Variants in ITGB8 observed in about 807,000 individuals in gnomAD.
The protein encoded by ITGB8 is integrin beta-8.
ITGB8 carries 30 observed loss-of-function variants against 89.5 expected under a neutral mutation model. The observed-to-expected ratio is 0.34, with a 90% CI of 0.25 to 0.45. The LOEUF is 0.45. Among genes scored for constraint, ITGB8 ranks in the 20% least tolerant of loss-of-function variants. The pLI is 1.00. For missense variants in ITGB8, 836 were observed against 933.3 expected (o/e 0.90, Z 1.36); for synonymous variants, 335 against 320.4 (o/e 1.05, Z -0.49).
intron 1 of ITGB8, among the ~76,000 whole-genome samples, chr7:20,338,813 ACT>A (rs1784658425): frequency 6.6e-6 from 1 of 152,056 alleles, no homozygotes; most frequent in Admixed American, 6.6e-5. Context: ...ACAAAATTTT[ACT>A]CTCTTGCAAA....
At chr7:20,339,125 G>A (rs1456573694) in intron 1 of ITGB8, among the ~76,000 whole-genome samples, 3 of 151,662 alleles carry the variant, frequency 2.0e-5, no homozygotes, top group Non-Finnish European at 4.4e-5. Flanking sequence ...CCATGAGATG[G>A]AGGTTGCAGT....
rs1400400905 is a variant in ITGB8, at chr7:20,402,269, G to C, written c.1687+143G>C. On this transcript the variant is annotated intron_variant, in intron 10 of 13. Coordinates refer to ENST00000222573, the MANE Select transcript of ITGB8 (RefSeq NM_002214.3). The stretch of plus-strand genomic sequence containing the variant: ...CAAAGTTTCAAAGTCCATGAAATTA[G>C]GGCATGGCAACAGATTTATAGTACG... The C allele has an allele frequency of 4.5e-6, 3 of 666,100 alleles. No homozygotes were observed. The East Asian group carries it at 8.3e-5, about 18-fold the overall frequency. The allele number at this position is 666,100 out of a possible 1,614,324, so 41.3% of individuals were successfully genotyped here.
intron 8 of ITGB8, 99 bp from the exon 9 acceptor site, chr7:20,398,761 T>C (rs1039707897): frequency 4.8e-5 from 40 of 841,904 alleles, no homozygotes; most frequent in South Asian, 1.5e-4. Context: ...TTTGATCTAG[T>C]TAAAATTAAA....
chr7:20,396,750 T>C (rs1263074197), intron 8 of ITGB8, among the ~76,000 whole-genome samples: 1 of 152,202 alleles, frequency 6.6e-6, no homozygotes, highest in African/African-American at 2.4e-5. Flanking sequence ...AACCCATTTA[T>C]TACTCCAAAA....
chr7:20,331,868 G>A lies in ITGB8; in HGVS notation c.62G>A (p.Arg21Gln). The change falls in exon 1 of 14, where the codon CGA becomes CAA. Residue 21 changes from arginine to glutamine, a missense_variant. By Grantham distance (43) the Arg-to-Gln change is conservative (BLOSUM62 1). Coordinates refer to ENST00000222573, the MANE Select transcript of ITGB8 (RefSeq NM_002214.3). Reference protein sequence around the residue: ...AAFVCLQNDRRGPASFLWAAW... With the variant: ...AAFVCLQNDRQGPASFLWAAW... ...TTTGTCTGCCTGCAAAACGACCGGC[G>A]AGGTCCCGCCTCGTTCCTCTGGGCA... 6.2e-7 allele frequency: 1 copy of A among 1,614,104 alleles called. No individual in the cohort carries two copies. The highest frequency in any genetic ancestry group is 2.2e-5 in the East Asian group (1 of 44,886).
Position 20,404,760 on chromosome 7 carries a change from G to A in ITGB8, c.1820G>A (p.Cys607Tyr), listed in dbSNP as rs771587942. Residue 607 changes from cysteine to tyrosine, a missense_variant, in exon 11 of 14, where the codon TGT becomes TAT. By Grantham distance (194) the Cys-to-Tyr change is radical. Around this residue, in one of 5 missense-constraint regions of ITGB8, gnomAD observed 422 missense variants for 416.9 expected, o/e 1.01. Transcript: ENST00000222573. Reference protein sequence around the residue: ...KGQVCSGRGTCVCGRCECTDP... With the variant: ...KGQVCSGRGTYVCGRCECTDP... ...CAAGTGTGCAGTGGAAGAGGCACGT[G>A]TGTGTGTGGAAGGTGTGAGTGCACC... 9 of 1,614,202 alleles carry A rather than the reference G, an allele frequency of 5.6e-6. No homozygotes were observed. The highest frequency in any genetic ancestry group is 6.8e-6 in the Non-Finnish European group (8 of 1,180,038).
At chr7:20,406,825 C>T (rs1787563661) in intron 12 of ITGB8, among the ~76,000 whole-genome samples, 2 of 152,140 alleles carry the variant, frequency 1.3e-5, no homozygotes, top group Non-Finnish European at 2.9e-5. Flanking sequence ...GATCTTCAAA[C>T]TAAAAGTTCC....
rs1484259271 is a variant in ITGB8, at chr7:20,380,055, C to G, written c.636-611C>G. Reference sequence around the variant, plus strand: ...ACTTTACAATACACATTCCAATTTACCGAAACAGCTCTGTCATCTGTTGTA... The same window carrying G: ...ACTTTACAATACACATTCCAATTTAGCGAAACAGCTCTGTCATCTGTTGTA... On this transcript the variant is annotated intron_variant, in intron 4 of 13. Transcript: ENST00000222573. The G allele has an allele frequency of 2.6e-5, 4 of 152,304 alleles. No individual in the cohort carries two copies. In the East Asian group the frequency reaches 5.8e-4, roughly 22 times the overall value. 9.4% of individuals were successfully genotyped at this position (152,304 alleles called of 1,614,324 possible).
intron 1 of ITGB8, among the ~76,000 whole-genome samples, chr7:20,349,185 A>T (rs1437957056): frequency 6.6e-6 from 1 of 152,146 alleles, no homozygotes; most frequent in Non-Finnish European, 1.5e-5. Context: ...CTGAGTCTCC[A>T]AATAAAGTGA....
rs1047016375 is a variant in ITGB8, at chr7:20,346,831, G to A, written c.127+14898G>A. Reference sequence around the variant, plus strand: ...TTGACCATGACATAGGACTTTAGGAGAAAAGCAAAGGAGAGCACCTTGGAG... The same window carrying A: ...TTGACCATGACATAGGACTTTAGGAAAAAAGCAAAGGAGAGCACCTTGGAG... On this transcript the variant is annotated intron_variant, in intron 1 of 13. Coordinates refer to ENST00000222573, the MANE Select transcript of ITGB8 (RefSeq NM_002214.3). 3 of 985,294 alleles carry A rather than the reference G, an allele frequency of 3.0e-6. No homozygotes were observed. In the African/African-American group the frequency reaches 5.2e-5, roughly 17 times the overall value. 61.0% of individuals were successfully genotyped at this position (985,294 alleles called of 1,614,324 possible).
chr7:20,345,472 G>A (rs1583471514), intron 1 of ITGB8, among the ~76,000 whole-genome samples: 1 of 151,942 alleles, frequency 6.6e-6, no homozygotes, highest in Non-Finnish European at 1.5e-5. Flanking sequence ...AGCAGGGTTG[G>A]GGGAAGACAG....
intron 1 of ITGB8, among the ~76,000 whole-genome samples, chr7:20,336,672 C>T (rs1450775228): frequency 1.3e-5 from 2 of 152,176 alleles, no homozygotes; most frequent in Non-Finnish European, 2.9e-5. Flanking sequence ...CCACATGTTC[C>T]TTTCTACTCA....
intron 7 of ITGB8, among the ~76,000 whole-genome samples, chr7:20,392,637 T>C (rs1786909542): frequency 6.6e-6 from 1 of 152,154 alleles, no homozygotes; most frequent in Non-Finnish European, 1.5e-5. Flanking sequence ...ATAGCACACA[T>C]TGTACCCATT....
intron 4 of ITGB8, chr7:20,379,886 C>T (rs1278185858): frequency 6.6e-6 from 1 of 152,192 alleles, no homozygotes; most frequent in East Asian, 1.9e-4. Context: ...ATATGTCCCA[C>T]TATGAAAGAA....
rs1212680744 is a variant in ITGB8, at chr7:20,384,945, CAATAG to C, written c.960+3061_960+3065del. 1.2e-4 allele frequency among the ~76,000 whole-genome samples: 19 copies of C among 152,204 alleles called. No homozygotes were observed. The East Asian group carries it at 3.7e-3, about 29-fold the overall frequency. On this transcript the variant is annotated intron_variant, in intron 6 of 13. Transcript: ENST00000222573. ...CAAGTGCCAGAATAAAAAACTGTAG[CAATAG>C]TATAGTTTTATGATTTATCCAGTGA...
rs915670667 is a variant in ITGB8 at position 20,398,775 on chromosome 7, A to T, written c.1147-85A>T. 3 of 953,640 alleles carry T rather than the reference A, an allele frequency of 3.1e-6. No homozygotes were observed. The South Asian group carries it at 9.2e-5, about 29-fold the overall frequency. The allele number at this position is 953,640 out of a possible 1,614,324, so 59.1% of individuals were successfully genotyped here. ...CTTTGATCTAGTTAAAATTAAATCT[A>T]TAATGATTTAATAAGCTTGACTCTG... is the stretch of plus-strand genomic sequence containing the variant. On this transcript the variant is annotated intron_variant, in intron 8 of 13. Coordinates refer to ENST00000222573, the MANE Select transcript of ITGB8 (RefSeq NM_002214.3).
At position 20,409,785 on chromosome 7, in the gene ITGB8, G is replaced by A. The variant is rs773010992; in HGVS notation, c.2187+7G>A. 1.2e-6 allele frequency: 2 copies of A among 1,612,312 alleles called. No homozygotes were observed. The highest frequency in any genetic ancestry group is 8.5e-7 in the Non-Finnish European group (1 of 1,179,144). ...AGTGTCAGCCTCAAAAAAGGTCAGT[G>A]AATTCTAAAAAAGAACTGCTAACAG... On this transcript the variant is annotated splice_region_variant and intron_variant, in intron 13 of 13. Transcript: ENST00000222573.
At chr7:20,400,210 T>C (rs1187013048) in intron 9 of ITGB8, among the ~76,000 whole-genome samples, 2 of 152,192 alleles carry the variant, frequency 1.3e-5, no homozygotes, top group Non-Finnish European at 2.9e-5. Flanking sequence ...GCTTTTACAT[T>C]GTTTTTTTTC....
chr7:20,361,530 C>G (rs765458982), intron 1 of ITGB8, among the ~76,000 whole-genome samples: 1 of 152,126 alleles, frequency 6.6e-6, no homozygotes, highest in Non-Finnish European at 1.5e-5. Flanking sequence ...AGCTTTGGAG[C>G]CTTAATCCCA....
Sources: allele counts gnomAD v4.1 joint callset (sites outside exome capture counted in the v4.1 genomes callset), GRCh38; gene constraint gnomAD v4.1.1; regional missense constraint gnomAD v4.1.1; transcripts MANE v1.5; gene names NCBI Gene and HGNC (gene_info 2026-07-23, HGNC 2026-07-21).